THSD7B: variants seen among roughly 807,000 people sequenced by gnomAD.
THSD7B encodes thrombospondin type 1 domain containing 7B.
In THSD7B, 138 loss-of-function variants were observed where a neutral mutation model predicts 213.6. The ratio of observed to expected loss-of-function variants is 0.65; its 90% CI spans 0.56 to 0.74. The LOEUF is 0.74. Among genes scored for constraint, THSD7B ranks in the 30% least tolerant of loss-of-function variants. The pLI, the probability that THSD7B is intolerant of heterozygous loss-of-function variation, is 0.00. For missense variants in THSD7B, 1,931 were observed against 1,991.5 expected, an observed-to-expected ratio of 0.97 and a Z score of 0.58; for synonymous variants, 742 against 687.0, an observed-to-expected ratio of 1.08 and a Z score of -1.25.
chr2:136,892,749 T>C (rs374299877), intron 2 of THSD7B, among the ~76,000 whole-genome samples: 72 of 151,950 alleles, frequency 4.7e-4, no homozygotes, highest in African/African-American at 1.7e-3. Flanking sequence ...TTTTAAAGTA[T>C]TCTTCATTTC....
At chr2:136,801,298 T>C (rs1373703941) in intron 1 of THSD7B, among the ~76,000 whole-genome samples, 1 of 152,082 alleles carries the variant, frequency 6.6e-6, no homozygotes, top group Admixed American at 6.6e-5. Flanking sequence ...CAAAGTTCAG[T>C]TTCCATTCTG....
intron 1 of THSD7B, among the ~76,000 whole-genome samples, chr2:136,770,376 T>C (rs1005526819): frequency 6.6e-6 from 1 of 152,186 alleles, no homozygotes; most frequent in African/African-American, 2.4e-5. Context: ...GTTAGACTTA[T>C]TCAGGGCAAG....
intron 15 of THSD7B, among the ~76,000 whole-genome samples, chr2:137,491,156 C>T (rs562427438): frequency 6.6e-6 from 1 of 152,296 alleles, no homozygotes; most frequent in Admixed American, 6.5e-5. Flanking sequence ...AACCTCTTAA[C>T]CAAACAAAGA....
chr2:137,324,432 G>A (rs964142996), intron 12 of THSD7B, among the ~76,000 whole-genome samples: 28 of 150,924 alleles, frequency 1.9e-4, no homozygotes, highest in Admixed American at 1.7e-3. Context: ...TGACATTCAT[G>A]TTTATTTCAT....
intron 15 of THSD7B, among the ~76,000 whole-genome samples, chr2:137,502,510 A>G (rs1191838817): frequency 6.6e-6 from 1 of 152,170 alleles, no homozygotes; most frequent in East Asian, 1.9e-4. Flanking sequence ...TGAAATGAAT[A>G]CAACCTAGCT....
At chr2:137,329,324 T>C (rs1317759425) in intron 12 of THSD7B, among the ~76,000 whole-genome samples, 2 of 152,100 alleles carry the variant, frequency 1.3e-5, no homozygotes, top group African/African-American at 4.8e-5. Context: ...CTGTGGAGCT[T>C]TGAACTTGAG....
At chr2:137,059,160 G>T (rs1422069075) in intron 3 of THSD7B, among the ~76,000 whole-genome samples, 13 of 152,008 alleles carry the variant, frequency 8.6e-5, no homozygotes, top group Non-Finnish European at 1.6e-4. Flanking sequence ...GTCCTCACAT[G>T]GTGGGGGAGA....
intron 15 of THSD7B, among the ~76,000 whole-genome samples, chr2:137,546,424 T>TATTATATA (rs1491401056): frequency 3.6e-5 from 1 of 27,946 alleles, no homozygotes; most frequent in Non-Finnish European, 5.5e-5. Context: ...ATTATATATA[T>TATTATATA]TATATATATA....
chr2:137,673,584 G>A (rs1332451067), intron 27 of THSD7B, among the ~76,000 whole-genome samples: 1 of 152,218 alleles, frequency 6.6e-6, no homozygotes, highest in Non-Finnish European at 1.5e-5. Context: ...AAGGAAAAAT[G>A]TGGATACTGT....
chr2:137,073,686 A>G (rs1438899350), intron 3 of THSD7B, among the ~76,000 whole-genome samples: 1 of 151,828 alleles, frequency 6.6e-6, no homozygotes, highest in Admixed American at 6.6e-5. Flanking sequence ...TAGGGTGTCA[A>G]TTTTAGATCT....
At chr2:137,320,702 C>T (rs962843200) in intron 12 of THSD7B, among the ~76,000 whole-genome samples, 1 of 152,166 alleles carries the variant, frequency 6.6e-6, no homozygotes, top group Non-Finnish European at 1.5e-5. Flanking sequence ...AAAGTGCTTA[C>T]AAAGGTGGAA....
intron 5 of THSD7B, among the ~76,000 whole-genome samples, chr2:137,152,209 A>T (rs1256583274): frequency 1.3e-5 from 2 of 152,126 alleles, no homozygotes; most frequent in African/African-American, 4.8e-5. Context: ...TACCACAAAA[A>T]TACTCATCTA....
At chr2:137,483,536 C>T (rs567640257) in intron 15 of THSD7B, among the ~76,000 whole-genome samples, 1 of 152,360 alleles carries the variant, frequency 6.6e-6, no homozygotes, top group African/African-American at 2.4e-5. Flanking sequence ...CCTGAAGGCA[C>T]TTACACAGCA....
chr2:137,318,801 T>TG lies in THSD7B; in HGVS notation c.2500+42775_2500+42776insG, dbSNP rs1455428648. ...GAATGCTTATCTTTTTTTTTTTTTT[T>TG]TTTTTTTTTTGAGATGGAGTCTCAC... On this transcript the variant is annotated intron_variant, in intron 12 of 27. Transcript: ENST00000409968. Among the ~76,000 whole-genome samples the TG allele has an allele frequency of 4.3e-5, 6 of 137,936 alleles. No individual in the cohort carries two copies. In the East Asian group the frequency reaches 1.3e-3, roughly 29 times the overall value. The allele number at this position is 137,936 out of a possible 152,430, so 90.5% of individuals were successfully genotyped here. A position where few individuals can be genotyped will look rare whatever the true frequency, so the allele number is the denominator to read the frequency against.
intron 2 of THSD7B, chr2:136,990,981 A>C (rs759537602): frequency 7.7e-7 from 1 of 1,300,936 alleles, no homozygotes; most frequent in Admixed American, 2.2e-5. Context: ...CAAAACTATC[A>C]CATCGTCTCT....
At chr2:137,038,742 T>A (rs928169358) in intron 2 of THSD7B, among the ~76,000 whole-genome samples, 1 of 152,240 alleles carries the variant, frequency 6.6e-6, no homozygotes. Context: ...AACTGCAATC[T>A]GTACCATTCA....
chr2:137,437,473 C>G (rs768776226), intron 14 of THSD7B, among the ~76,000 whole-genome samples: 1 of 152,138 alleles, frequency 6.6e-6, no homozygotes. Context: ...AAGCTGTCTT[C>G]AACATGTCCT....
intron 7 of THSD7B, among the ~76,000 whole-genome samples, chr2:137,230,774 C>A (rs541224743): frequency 6.6e-6 from 1 of 152,282 alleles, no homozygotes; most frequent in African/African-American, 2.4e-5. Context: ...CATAACACAT[C>A]CACCAGGTCC....
intron 7 of THSD7B, among the ~76,000 whole-genome samples, chr2:137,199,536 T>C (rs999505954): frequency 2.0e-5 from 3 of 152,148 alleles, no homozygotes; most frequent in Admixed American, 6.6e-5. Flanking sequence ...GCTAATTCCT[T>C]TGAGTTGATC....
Sources: gnomAD v4.1 joint callset for allele counts (sites outside exome capture counted in the v4.1 genomes callset) on GRCh38, gnomAD v4.1.1 for gene constraint, MANE v1.5 for transcripts, NCBI Gene and HGNC (gene_info 2026-07-23, HGNC 2026-07-21) for gene names.